IL26: variants seen among roughly 807,000 people sequenced by gnomAD.
IL26 encodes the protein interleukin-26.
Under a neutral mutation model 21.7 loss-of-function variants are expected in IL26, and 23 were observed. The ratio of observed to expected loss-of-function variants is 1.06; its 90% CI spans 0.76 to 1.50. The LOEUF (loss-of-function observed/expected upper bound fraction) is 1.50. IL26 is among the 40% of genes most tolerant of loss of function. The pLI is 0.00. For missense variants in IL26, 204 were observed against 196.0 expected (o/e 1.04, Z -0.24); for synonymous variants, 63 against 67.8 (o/e 0.93, Z 0.34).
intron 3 of IL26, among the ~76,000 whole-genome samples, chr12:68,217,315 A>G (rs1363178368): frequency 2.0e-5 from 3 of 152,218 alleles, no homozygotes; most frequent in Non-Finnish European, 4.4e-5. Context: ...AAGGAAGCCC[A>G]AAAGGCAGGT....
intron 3 of IL26, among the ~76,000 whole-genome samples, chr12:68,224,733 G>A (rs1465455606): frequency 1.5e-5 from 2 of 134,106 alleles, no homozygotes. Flanking sequence ...GGAAGGGAGG[G>A]AGGGAGGGAA....
At chr12:68,205,236 C>G (rs1273542213) in intron 3 of IL26, among the ~76,000 whole-genome samples, 1 of 152,048 alleles carries the variant, frequency 6.6e-6, no homozygotes, top group Admixed American at 6.5e-5. Flanking sequence ...TTACTGTTGA[C>G]AATGAATGAT....
intron 3 of IL26, among the ~76,000 whole-genome samples, chr12:68,207,778 C>G (rs975225923): frequency 6.6e-6 from 1 of 152,098 alleles, no homozygotes; most frequent in Non-Finnish European, 1.5e-5. Context: ...CATATATGGT[C>G]TGTAAGTGTC....
chr12:68,219,047 C>T (rs974557053), intron 3 of IL26, among the ~76,000 whole-genome samples: 5 of 151,834 alleles, frequency 3.3e-5, no homozygotes, highest in African/African-American at 7.2e-5. Context: ...ATTCAAAATA[C>T]ATGAAGCAAT....
rs754175725 is a variant in IL26 at position 68,225,657 on chromosome 12, G to C, written c.100C>G (p.Pro34Ala). 7 of 1,613,894 alleles carry C rather than the reference G, an allele frequency of 4.3e-6. No homozygotes were observed. Among genetic ancestry groups the C allele is most frequent in the Non-Finnish European group, 5.9e-6 (7 of 1,179,956 alleles). ...ACAGCTTGGGACAATGTTCCCCTTG[G>C]GTAACAACTTTTGGTGAAGGAAGAT... is the stretch of plus-strand genomic sequence containing the variant. ...KQSSFTKSCY[P>A]RGTLSQAVDA... Residue 34 changes from proline to alanine, a missense_variant, in exon 1 of 5, where the codon CCA becomes GCA. By Grantham distance (27) the Pro-to-Ala change is conservative (BLOSUM62 -1). Coordinates refer to ENST00000229134, the MANE Select transcript of IL26 (RefSeq NM_018402.2).
chr12:68,204,758 C>T (rs1003085042), intron 3 of IL26, among the ~76,000 whole-genome samples: 1 of 152,114 alleles, frequency 6.6e-6, no homozygotes, highest in African/African-American at 2.4e-5. Flanking sequence ...TTCCCGGTGC[C>T]TTGAGCACTG....
At chr12:68,204,696 A>G (rs965188808) in intron 3 of IL26, among the ~76,000 whole-genome samples, 1 of 152,050 alleles carries the variant, frequency 6.6e-6, no homozygotes, top group African/African-American at 2.4e-5. Context: ...TTAAAAAAAA[A>G]AACTAGCAGT....
intron 3 of IL26, among the ~76,000 whole-genome samples, chr12:68,207,100 T>A (rs1868564951): frequency 6.6e-6 from 1 of 152,234 alleles, no homozygotes; most frequent in Non-Finnish European, 1.5e-5. Context: ...AGGAGATTTT[T>A]AAAAAGGTGT....
Position 68,201,895 on chromosome 12 carries a change from G to T in IL26, c.466C>A (p.Leu156Met), listed in dbSNP as rs1376412982. 2 of 1,605,810 alleles carry T rather than the reference G, an allele frequency of 1.2e-6. No homozygotes were observed. The highest frequency in any genetic ancestry group is 1.7e-6 in the Non-Finnish European group (2 of 1,177,576). The change falls in exon 5 of 5, where the codon CTG (leucine) becomes ATG (methionine). Residue 156 changes from leucine to methionine, a missense_variant. By Grantham distance (15) the Leu-to-Met change is conservative (BLOSUM62 2). Transcript: ENST00000229134. Reference protein sequence around the residue: ...NKGIYKAISELDILLSWIKKL... With the variant: ...NKGIYKAISEMDILLSWIKKL... ...TTAATCCAGGAAAGAAGAATATCCA[G>T]TTCACTGATGGCTTTGTAGATTCCT...
At chr12:68,219,233 C>A (rs73332726) in intron 3 of IL26, among the ~76,000 whole-genome samples, 2,185 of 152,028 alleles carry the variant, frequency 0.014, 43 homozygotes, top group African/African-American at 0.05. Context: ...AATACATATT[C>A]TTTTCAAATA....
chr12:68,224,276 G>A (rs547680613), intron 3 of IL26, among the ~76,000 whole-genome samples: 4 of 147,744 alleles, frequency 2.7e-5, no homozygotes, highest in African/African-American at 1.0e-4. Context: ...CACAGATTCT[G>A]GCTCAGTGTT....
intron 3 of IL26, among the ~76,000 whole-genome samples, chr12:68,208,103 A>C (rs955237567): frequency 1.3e-4 from 20 of 152,184 alleles, no homozygotes; most frequent in Non-Finnish European, 2.8e-4. Flanking sequence ...TTGAGGCCTC[A>C]CAGTCTGCCA....
At chr12:68,211,058 C>A (rs1393000543) in intron 3 of IL26, among the ~76,000 whole-genome samples, 1 of 152,100 alleles carries the variant, frequency 6.6e-6, no homozygotes, top group Admixed American at 6.5e-5. Context: ...ATTTTTGAGC[C>A]CATTAATCAA....
intron 3 of IL26, 50 bp downstream of exon 3, chr12:68,225,099 C>T: frequency 6.5e-7 from 1 of 1,547,598 alleles, no homozygotes; most frequent in Non-Finnish European, 8.7e-7. Flanking sequence ...ATGCTGACTT[C>T]TAAACAGGTT....
At position 68,225,263 on chromosome 12, in the gene IL26, T is replaced by C. The variant is rs758993459; in HGVS notation, c.249A>G (p.Glu83=). Residue 83 remains glutamate (E), a synonymous_variant, in exon 3 of 5, where the codon GAA becomes GAG. Transcript: ENST00000229134. ...CTTCCATGAAGAAGGACAGAAGCTG[T>C]TCTTGAAATTGACAGTTTTTCTAAA... The part of the protein sequence containing the change: ...KQFMKNCQFQ[E]QLLSFFMEDV... 6.2e-7 allele frequency: 1 copy of C among 1,604,122 alleles called. No individual in the cohort carries two copies. The highest frequency in any genetic ancestry group is 8.5e-7 in the Non-Finnish European group (1 of 1,176,998).
Position 68,225,294 on chromosome 12 carries a change from G to C in IL26, c.229-11C>G, listed in dbSNP as rs11570982. 4.8e-3 allele frequency: 7,687 copies of C among 1,602,922 alleles called. 310 individuals carry two copies. The African/African-American group carries it at 0.087, about 18-fold the overall frequency. ...AAATTGACAGTTTTTCTAAAAATAA[G>C]ATACAAGAAATTGCATATGGTAAAT... On this transcript the variant is annotated splice_polypyrimidine_tract_variant and intron_variant, in intron 2 of 4. Coordinates refer to ENST00000229134, the MANE Select transcript of IL26 (RefSeq NM_018402.2).
chr12:68,204,887 T>C (rs1314125888), intron 3 of IL26, among the ~76,000 whole-genome samples: 1 of 152,232 alleles, frequency 6.6e-6, no homozygotes, highest in Non-Finnish European at 1.5e-5. Context: ...TAATTCAGAT[T>C]GCTTTGCTTG....
intron 3 of IL26, among the ~76,000 whole-genome samples, chr12:68,224,093 A>C (rs1270617110): frequency 6.7e-6 from 1 of 149,568 alleles, no homozygotes; most frequent in African/African-American, 2.5e-5. Flanking sequence ...GATGCCCAGG[A>C]TGAAGAGCTC....
At position 68,201,919 on chromosome 12, in the gene IL26, C is replaced by G; in HGVS notation, c.442G>C (p.Gly148Arg). 6.3e-7 allele frequency: 1 copy of G among 1,598,748 alleles called. No homozygotes were observed. The highest frequency in any genetic ancestry group is 2.2e-5 in the East Asian group (1 of 44,610). Residue 148 changes from glycine (G) to arginine (R), a missense_variant, in exon 5 of 5, where the codon GGA becomes CGA. Gly to Arg is a moderately radical substitution (Grantham distance 125, BLOSUM62 -2). Transcript: ENST00000229134. ...KRIFYRIGNK[G>R]IYKAISELDI... is the part of the protein sequence containing the mutation. ...AGTTCACTGATGGCTTTGTAGATTC[C>G]TTTGTTTCCAATCTGCAGATAAAGT...
Sources: allele counts gnomAD v4.1 joint callset (sites outside exome capture counted in the v4.1 genomes callset), GRCh38; gene constraint gnomAD v4.1.1; transcripts MANE v1.5; gene names NCBI Gene and HGNC (gene_info 2026-07-23, HGNC 2026-07-21).